Variants in POU6F2 observed in about 807,000 individuals in gnomAD.
POU6F2 encodes the protein POU domain, class 6, transcription factor 2.
Under a neutral mutation model 71.3 loss-of-function variants are expected in POU6F2, and 31 were observed. That is an observed-to-expected ratio of 0.43 (90% CI 0.33 to 0.59). The LOEUF is 0.59. Ranked by LOEUF, POU6F2 falls within the 20% of genes least tolerant of loss-of-function variation. The pLI, the probability that POU6F2 is intolerant of heterozygous loss-of-function variation, is 0.04. For missense variants in POU6F2, 783 were observed against 856.8 expected (o/e 0.91, Z 1.07); for synonymous variants, 347 against 355.7 (o/e 0.98, Z 0.27).
intron 5 of POU6F2, among the ~76,000 whole-genome samples, chr7:39,359,320 C>T (rs1001138616): frequency 6.6e-6 from 1 of 151,988 alleles, no homozygotes; most frequent in Non-Finnish European, 1.5e-5. Context: ...TCTCATTGGC[C>T]CCAAGGATTA....
At chr7:39,096,577 C>A (rs1349197887) in intron 2 of POU6F2, among the ~76,000 whole-genome samples, 1 of 152,094 alleles carries the variant, frequency 6.6e-6, no homozygotes, top group African/African-American at 2.4e-5. Context: ...TATCAAATGG[C>A]CCACACTCGT....
At chr7:39,239,245 C>T (rs964117983) in intron 4 of POU6F2, among the ~76,000 whole-genome samples, 2 of 152,100 alleles carry the variant, frequency 1.3e-5, no homozygotes, top group East Asian at 3.9e-4. Context: ...CTTGGGACAG[C>T]TGTCTTCATA....
At chr7:39,227,315 C>T (rs1253073474) in intron 4 of POU6F2, among the ~76,000 whole-genome samples, 6 of 151,548 alleles carry the variant, frequency 4.0e-5, no homozygotes, top group East Asian at 1.9e-4. Context: ...GAAGTTTTCT[C>T]GTCTTTATTT....
chr7:39,253,802 G>GC (rs1783969713), intron 4 of POU6F2, among the ~76,000 whole-genome samples: 3 of 152,166 alleles, frequency 2.0e-5, no homozygotes, highest in African/African-American at 7.2e-5. Context: ...TTCTGATGAA[G>GC]TTATTTAACA....
At chr7:39,283,337 A>G (rs1415798032) in intron 4 of POU6F2, among the ~76,000 whole-genome samples, 3 of 152,102 alleles carry the variant, frequency 2.0e-5, no homozygotes, top group East Asian at 1.9e-4. Context: ...GTACATTCAC[A>G]TTCGTAAGTA....
chr7:39,167,019 A>G (rs1793127798), intron 2 of POU6F2, among the ~76,000 whole-genome samples: 1 of 152,188 alleles, frequency 6.6e-6, no homozygotes, highest in Non-Finnish European at 1.5e-5. Context: ...TAATATAGAC[A>G]TCTTTCCTCA....
chr7:39,130,000 G>A (rs1163228500), intron 2 of POU6F2, among the ~76,000 whole-genome samples: 1 of 149,416 alleles, frequency 6.7e-6, no homozygotes, highest in African/African-American at 2.5e-5. Flanking sequence ...CCGGGAGGTG[G>A]AGCTTGCAGC....
intron 4 of POU6F2, among the ~76,000 whole-genome samples, chr7:39,217,453 A>G (rs1356991955): frequency 6.6e-6 from 1 of 152,106 alleles, no homozygotes; most frequent in East Asian, 1.9e-4. Flanking sequence ...TCTAGTGATG[A>G]CCACACTCAG....
chr7:39,144,801 G>A (rs1407528529), intron 2 of POU6F2, among the ~76,000 whole-genome samples: 1 of 152,146 alleles, frequency 6.6e-6, no homozygotes, highest in Non-Finnish European at 1.5e-5. Flanking sequence ...TTGTCCAAGG[G>A]TATATTCTTC....
intron 6 of POU6F2, among the ~76,000 whole-genome samples, chr7:39,413,436 CATGTT>C (rs1332844905): frequency 1.3e-5 from 2 of 152,112 alleles, no homozygotes; most frequent in Non-Finnish European, 2.9e-5. Flanking sequence ...AAGAATCAGA[CATGTT>C]TTGTTGAAAA....
intron 1 of POU6F2, among the ~76,000 whole-genome samples, chr7:39,012,063 G>C (rs1017912038): frequency 5.3e-5 from 8 of 151,852 alleles, no homozygotes; most frequent in African/African-American, 1.9e-4. Flanking sequence ...GAATCTGAAC[G>C]TTGGCCTGCC....
chr7:39,086,141 T>A, intron 2 of POU6F2, 110 bp downstream of exon 2: 1 of 1,156,916 alleles, frequency 8.6e-7, no homozygotes, highest in Non-Finnish European at 1.2e-6. Context: ...TTCCCGTAAG[T>A]ACTAAAAAGG....
chr7:39,223,847 C>T (rs1015348322), intron 4 of POU6F2, among the ~76,000 whole-genome samples: 1 of 152,160 alleles, frequency 6.6e-6, no homozygotes, highest in African/African-American at 2.4e-5. Flanking sequence ...TTGTTTTACT[C>T]TAGCCTTAAT....
At chr7:39,309,141 G>C (rs923832838) in intron 4 of POU6F2, among the ~76,000 whole-genome samples, 3 of 152,242 alleles carry the variant, frequency 2.0e-5, no homozygotes, top group Non-Finnish European at 4.4e-5. Flanking sequence ...ACGAGGGGGA[G>C]GGAGTCGGGC....
At chr7:39,082,632 C>A (rs138349647) in intron 1 of POU6F2, among the ~76,000 whole-genome samples, 1 of 152,140 alleles carries the variant, frequency 6.6e-6, no homozygotes, top group Non-Finnish European at 1.5e-5. Context: ...GACTTCCAAG[C>A]CGAGTGCTAC....
intron 2 of POU6F2, among the ~76,000 whole-genome samples, chr7:39,146,216 G>C (rs1016279229): frequency 5.3e-5 from 8 of 152,202 alleles, no homozygotes; most frequent in African/African-American, 1.9e-4. Flanking sequence ...AGGATGAACT[G>C]CTTTTGGAGG....
chr7:39,001,246 C>T lies in POU6F2; in HGVS notation c.105+23188C>T, dbSNP rs189111036. On this transcript the variant is annotated intron_variant, in intron 1 of 9. Transcript: ENST00000518318. ...ATACTAGAAAGATCATTCTTTGACA[C>T]AGGCCATTTTGATTTTTTTTTTTGC... Among the ~76,000 whole-genome samples, 1,178 of 150,278 alleles carry T rather than the reference C, an allele frequency of 7.8e-3. 15 individuals are homozygous for T. Among genetic ancestry groups the T allele is most frequent in the African/African-American group, 0.028 (1,110 of 39,958 alleles).
intron 1 of POU6F2, among the ~76,000 whole-genome samples, chr7:39,042,301 T>A (rs939305356): frequency 6.6e-6 from 1 of 152,020 alleles, no homozygotes; most frequent in African/African-American, 2.4e-5. Flanking sequence ...GCTTCCTGGT[T>A]CATGGGAGGA....
intron 2 of POU6F2, among the ~76,000 whole-genome samples, chr7:39,117,857 T>G (rs569847467): frequency 6.6e-6 from 1 of 152,030 alleles, no homozygotes; most frequent in Non-Finnish European, 1.5e-5. Flanking sequence ...TCTGGGGAGA[T>G]TGAAACAGAG....
Sources: allele counts gnomAD v4.1 joint callset (sites outside exome capture counted in the v4.1 genomes callset), GRCh38; gene constraint gnomAD v4.1.1; transcripts MANE v1.5; gene names NCBI Gene and HGNC (gene_info 2026-07-23, HGNC 2026-07-21).